STAMBPL1: variants seen among roughly 807,000 people sequenced by gnomAD.
STAMBPL1 encodes AMSH-like protease.
A neutral mutation model predicts 52.9 loss-of-function variants in STAMBPL1; 44 were observed. The observed-to-expected ratio is 0.83, with a 90% CI of 0.65 to 1.07. The LOEUF (loss-of-function observed/expected upper bound fraction) is 1.07, where lower values mean the gene tolerates loss of function less well. STAMBPL1 is among the 50% of genes least tolerant of loss of function. The pLI, the probability that STAMBPL1 is intolerant of heterozygous loss-of-function variation, is 0.00. For missense variants in STAMBPL1, 511 were observed against 520.8 expected (o/e 0.98, Z 0.18); for synonymous variants, 164 against 177.3 (o/e 0.92, Z 0.60).
chr10:88,881,737 C>T (rs1415353617), intron 1 of STAMBPL1, among the ~76,000 whole-genome samples: 1 of 152,124 alleles, frequency 6.6e-6, no homozygotes, highest in Admixed American at 6.5e-5. Flanking sequence ...ATTAAGCCAC[C>T]GTGTTTTGTT....
intron 8 of STAMBPL1, among the ~76,000 whole-genome samples, chr10:88,917,641 T>C (rs560885482): frequency 6.6e-6 from 1 of 152,310 alleles, no homozygotes; most frequent in African/African-American, 2.4e-5. Flanking sequence ...GTAACTGTTA[T>C]AATTGGTGAT....
At chr10:88,885,898 C>G (rs1364159598) in intron 1 of STAMBPL1, among the ~76,000 whole-genome samples, 3 of 152,134 alleles carry the variant, frequency 2.0e-5, no homozygotes, top group Non-Finnish European at 4.4e-5. Flanking sequence ...TGCATTAATT[C>G]TTATAAATGT....
chr10:88,919,849 T>C (rs1845464046), intron 8 of STAMBPL1, among the ~76,000 whole-genome samples: 1 of 152,054 alleles, frequency 6.6e-6, no homozygotes, highest in Non-Finnish European at 1.5e-5. Context: ...GCCTTTTTTT[T>C]TTTCAAGACA....
intron 8 of STAMBPL1, among the ~76,000 whole-genome samples, chr10:88,917,635 CTG>C (rs1383848967): frequency 6.6e-6 from 1 of 152,108 alleles, no homozygotes; most frequent in Non-Finnish European, 1.5e-5. Flanking sequence ...AAAATTGTAA[CTG>C]TTATAATTGG....
At chr10:88,920,729 C>T (rs1352865123) in intron 8 of STAMBPL1, among the ~76,000 whole-genome samples, 1 of 152,106 alleles carries the variant, frequency 6.6e-6, no homozygotes. Context: ...CCTTCAACAA[C>T]TTGGAGTCTC....
At chr10:88,886,311 C>A (rs1490991333) in intron 1 of STAMBPL1, among the ~76,000 whole-genome samples, 3 of 152,120 alleles carry the variant, frequency 2.0e-5, no homozygotes, top group African/African-American at 7.2e-5. Context: ...CCTTGGTACC[C>A]AGCATGCAAG....
chr10:88,919,881 G>A (rs1044972729), intron 8 of STAMBPL1, among the ~76,000 whole-genome samples: 6 of 151,550 alleles, frequency 4.0e-5, no homozygotes, highest in African/African-American at 1.5e-4. Context: ...TGTTGTCCAG[G>A]CTGGAGTGCA....
intron 4 of STAMBPL1, among the ~76,000 whole-genome samples, chr10:88,910,520 C>T (rs1845193768): frequency 6.6e-6 from 1 of 152,106 alleles, no homozygotes; most frequent in African/African-American, 2.4e-5. Context: ...CCCTATCCAC[C>T]ATATATTCTC....
intron 4 of STAMBPL1, among the ~76,000 whole-genome samples, chr10:88,909,628 G>A (rs564434631): frequency 1.3e-5 from 2 of 152,224 alleles, no homozygotes; most frequent in East Asian, 3.9e-4. Context: ...TAGAGTCAGA[G>A]TCTTGCTCTG....
chr10:88,919,730 A>G (rs1206430548), intron 8 of STAMBPL1, among the ~76,000 whole-genome samples: 1 of 152,058 alleles, frequency 6.6e-6, no homozygotes, highest in Non-Finnish European at 1.5e-5. Context: ...TGTTGATCTA[A>G]GTTTTTATAT....
chr10:88,907,318 A>G (rs1589368813), intron 3 of STAMBPL1, among the ~76,000 whole-genome samples: 1 of 152,352 alleles, frequency 6.6e-6, no homozygotes, highest in East Asian at 1.9e-4. Flanking sequence ...CAAGTTACTG[A>G]ACTTGAAAAT....
intron 2 of STAMBPL1, among the ~76,000 whole-genome samples, chr10:88,904,215 G>T (rs1355538957): frequency 6.6e-6 from 1 of 152,174 alleles, no homozygotes; most frequent in African/African-American, 2.4e-5. Context: ...GGAGCATCCA[G>T]CAATGGTAGA....
chr10:88,922,203 T>A, intron 9 of STAMBPL1, 134 bp from the exon 10 acceptor site: 2 of 828,756 alleles, frequency 2.4e-6, no homozygotes, highest in South Asian at 3.5e-5. Flanking sequence ...AAAAAAAAAA[T>A]CACTATGGAA....
chr10:88,922,210 G>C, intron 9 of STAMBPL1, 127 bp from the exon 10 acceptor site: 1 of 883,476 alleles, frequency 1.1e-6, no homozygotes, highest in South Asian at 1.7e-5. Flanking sequence ...AAATCACTAT[G>C]GAATTCCTAG....
rs1217576726 is a variant in STAMBPL1, at chr10:88,923,190, A to G, written c.1277A>G (p.Lys426Arg). ...LFSICKHVLV[K>R]DIKIIVLDLR ...TAGATATGCAAACATGTGTTGGTAA[A>G]AGACATAAAAATAATTGTGTTGGAT... is the stretch of plus-strand genomic sequence containing the variant. The change falls in exon 11 of 11, where the codon AAA becomes AGA. Residue 426 changes from lysine to arginine, a missense_variant. This residue lies in a region of STAMBPL1 where 137 missense variants were observed against 139.9 expected (regional missense o/e 0.98). Coordinates refer to ENST00000371926, the MANE Select transcript of STAMBPL1 (RefSeq NM_020799.4). 1 of 1,606,158 alleles carries G rather than the reference A, an allele frequency of 6.2e-7. No individual in the cohort carries two copies. Among genetic ancestry groups the G allele is most frequent in the East Asian group, 2.3e-5 (1 of 44,328 alleles).
chr10:88,913,723 T>C (rs1430779464), intron 6 of STAMBPL1, among the ~76,000 whole-genome samples: 4 of 152,160 alleles, frequency 2.6e-5, no homozygotes, highest in Non-Finnish European at 5.9e-5. Flanking sequence ...AGGTTTTAAA[T>C]GAGAAGAATT....
chr10:88,894,947 C>T (rs190264076), intron 1 of STAMBPL1, among the ~76,000 whole-genome samples: 1 of 152,300 alleles, frequency 6.6e-6, no homozygotes, highest in Non-Finnish European at 1.5e-5. Context: ...CCAGAGGAAT[C>T]CTATGCTAAT....
chr10:88,916,733 A>T lies in STAMBPL1; in HGVS notation c.957A>T (p.Gly319=). Residue 319 remains glycine, a synonymous_variant, in exon 8 of 11, where the codon GGA becomes GGT. Coordinates refer to ENST00000371926, the MANE Select transcript of STAMBPL1 (RefSeq NM_020799.4). ...THVIVPKQSA[G]PDYCDMENVE... ...TAATTGTGCCAAAGCAGTCTGCGGG[A>T]CCAGACTATTGTGACATGGAGAATG... 1.2e-6 allele frequency: 2 copies of T among 1,610,090 alleles called. No homozygotes were observed. The highest frequency in any genetic ancestry group is 1.7e-6 in the Non-Finnish European group (2 of 1,178,210).
chr10:88,905,269 A>G (rs1845043437), intron 2 of STAMBPL1, among the ~76,000 whole-genome samples, 174 bp from the exon 3 acceptor site: 1 of 152,224 alleles, frequency 6.6e-6, no homozygotes, highest in East Asian at 1.9e-4. Flanking sequence ...TTTTTGTTGT[A>G]TAAAGCATGT....
Sources: gnomAD v4.1 joint callset for allele counts (sites outside exome capture counted in the v4.1 genomes callset) on GRCh38, gnomAD v4.1.1 for gene constraint, gnomAD v4.1.1 regional missense constraint, MANE v1.5 for transcripts, NCBI Gene and HGNC (gene_info 2026-07-23, HGNC 2026-07-21) for gene names.